Variants in SOX5 observed in about 807,000 individuals in gnomAD.
SOX5 encodes the protein transcription factor SOX-5.
In SOX5, 9 loss-of-function variants were observed where a neutral mutation model predicts 92.0. The observed-to-expected ratio is 0.10, with a 90% CI of 0.06 to 0.17. The LOEUF is 0.17. Ranked by LOEUF, SOX5 falls within the 10% of genes least tolerant of loss-of-function variation. The pLI is 1.00. For synonymous variants in SOX5, 344 were observed against 336.3 expected, an observed-to-expected ratio of 1.02 and a Z score of -0.25; for missense variants, 642 against 944.5, an observed-to-expected ratio of 0.68 and a Z score of 4.20.
chr12:23,760,982 AG>A (rs2094548134), intron 3 of SOX5, among the ~76,000 whole-genome samples: 1 of 152,168 alleles, frequency 6.6e-6, no homozygotes, highest in Non-Finnish European at 1.5e-5. Context: ...ACAAAGTCAC[AG>A]GAGTTAGGTT....
At chr12:24,534,274 G>A (rs1221623827) in intron 1 of SOX5, among the ~76,000 whole-genome samples, 3 of 149,198 alleles carry the variant, frequency 2.0e-5, no homozygotes, top group Non-Finnish European at 3.0e-5. Context: ...TTTTTTTTTC[G>A]GGGAGCTACT....
chr12:23,986,547 T>C (rs1950080919), intron 4 of SOX5, among the ~76,000 whole-genome samples: 1 of 152,198 alleles, frequency 6.6e-6, no homozygotes, highest in Non-Finnish European at 1.5e-5. Context: ...ACAATGTCTT[T>C]CTTTCATCAG....
At chr12:23,755,814 T>C (rs962289392) in intron 3 of SOX5, 90 bp from the exon 4 acceptor site, 10 of 775,572 alleles carry the variant, frequency 1.3e-5, no homozygotes, top group Non-Finnish European at 2.0e-5. Context: ...AATAAGGCCA[T>C]CCCTATCCCA....
chr12:24,348,364 C>CTATT (rs55635240), intron 2 of SOX5, among the ~76,000 whole-genome samples: 39,294 of 142,506 alleles, frequency 0.28, 5,892 homozygotes, highest in South Asian at 0.48. Flanking sequence ...CTATTGACTC[C>CTATT]TATTTATTTA....
chr12:24,514,409 G>T (rs114631610), intron 1 of SOX5, among the ~76,000 whole-genome samples: 1 of 151,984 alleles, frequency 6.6e-6, no homozygotes, highest in Non-Finnish European at 1.5e-5. Context: ...CATTAACACC[G>T]ACCCACTAAT....
At chr12:24,190,270 C>G (rs12813198) in intron 4 of SOX5, among the ~76,000 whole-genome samples, 32,692 of 152,042 alleles carry the variant, frequency 0.22, 4,051 homozygotes, top group African/African-American at 0.34. Flanking sequence ...TGTGTCATTT[C>G]CAAACTCCAG....
rs7315982 is a variant in SOX5, at chr12:23,641,871, A to G, written c.932-974T>C. 5.1e-3 allele frequency among the ~76,000 whole-genome samples: 779 copies of G among 152,344 alleles called. 4 individuals carry two copies. The highest frequency in any genetic ancestry group is 0.018 in the African/African-American group (751 of 41,584). On this transcript the variant is annotated intron_variant, in intron 7 of 14. Coordinates refer to ENST00000451604, the MANE Select transcript of SOX5 (RefSeq NM_006940.6). ...AAAAAATGTGTTGAATATTGCACGC[A>G]TGAAAAATATAACTTAAAATAACTC...
At chr12:23,583,411 T>C (rs957690705) in intron 9 of SOX5, among the ~76,000 whole-genome samples, 14 of 152,078 alleles carry the variant, frequency 9.2e-5, no homozygotes, top group African/African-American at 3.4e-4. Flanking sequence ...TTCTAACTAT[T>C]CTTGAAAAGA....
At chr12:24,519,417 G>T (rs76706553) in intron 1 of SOX5, among the ~76,000 whole-genome samples, 2,044 of 152,076 alleles carry the variant, frequency 0.013, 50 homozygotes, top group African/African-American at 0.046. Flanking sequence ...TTGGGAAGGG[G>T]TGGAAAGAAA....
At chr12:23,696,301 A>C (rs2089848106) in intron 6 of SOX5, among the ~76,000 whole-genome samples, 1 of 152,056 alleles carries the variant, frequency 6.6e-6, no homozygotes. Context: ...GTATTTCTTT[A>C]GTAGTGTAGA....
rs573973564 is a variant in SOX5 at position 24,277,564 on chromosome 12, T to G, written c.-173-252A>C. 1.7e-3 allele frequency among the ~76,000 whole-genome samples: 205 copies of G among 121,266 alleles called. 1 individual carries two copies. Among genetic ancestry groups the G allele is most frequent in the African/African-American group, 5.8e-3 (193 of 33,250 alleles). The allele number at this position is 121,266 out of a possible 152,430, so 79.6% of individuals were successfully genotyped here. On this transcript the variant is annotated intron_variant, in intron 2 of 4. Coordinates refer to the SOX5 transcript ENST00000446891. ...ATGTATATAAATTTATATTTATATATTAAATATATAAATATATATTTAAAT... is the reference window on the plus strand; with the variant it reads ...ATGTATATAAATTTATATTTATATAGTAAATATATAAATATATATTTAAAT...
intron 6 of SOX5, among the ~76,000 whole-genome samples, chr12:23,669,895 G>A (rs983245550): frequency 3.3e-5 from 5 of 152,056 alleles, no homozygotes; most frequent in African/African-American, 1.2e-4. Context: ...ACTCCAGTCC[G>A]AAGCTGAGGG....
chr12:23,777,486 A>T (rs139047915), intron 3 of SOX5, among the ~76,000 whole-genome samples: 262 of 152,324 alleles, frequency 1.7e-3, no homozygotes, highest in South Asian at 3.5e-3. Flanking sequence ...TAATGAATTC[A>T]GACTCTTTTT....
chr12:24,360,015 G>A (rs1955356169), intron 2 of SOX5, among the ~76,000 whole-genome samples: 1 of 152,196 alleles, frequency 6.6e-6, no homozygotes, highest in Admixed American at 6.5e-5. Context: ...GAAAAAGGAT[G>A]GCAGGGACGG....
At chr12:24,339,543 C>G (rs986011482) in intron 2 of SOX5, among the ~76,000 whole-genome samples, 2 of 152,170 alleles carry the variant, frequency 1.3e-5, no homozygotes, top group African/African-American at 4.8e-5. Context: ...TCTCAGTGCA[C>G]TGGGAGCCAT....
At chr12:24,044,998 T>A (rs1194292796) in intron 4 of SOX5, among the ~76,000 whole-genome samples, 1 of 152,198 alleles carries the variant, frequency 6.6e-6, no homozygotes, top group Non-Finnish European at 1.5e-5. Flanking sequence ...TGGATATGCT[T>A]CTGAAACAAA....
chr12:23,708,892 G>C (rs1017829584), intron 6 of SOX5, among the ~76,000 whole-genome samples: 1 of 152,004 alleles, frequency 6.6e-6, no homozygotes, highest in African/African-American at 2.4e-5. Context: ...TACGTGGCTG[G>C]TATTTCAGCG....
intron 8 of SOX5, among the ~76,000 whole-genome samples, chr12:23,619,487 T>C (rs2076938428): frequency 6.6e-6 from 1 of 152,178 alleles, no homozygotes. Flanking sequence ...CAAATCTTTT[T>C]GACTTTTTAC....
chr12:23,909,591 A>G (rs1193324054), intron 1 of SOX5, among the ~76,000 whole-genome samples: 3 of 152,156 alleles, frequency 2.0e-5, no homozygotes, highest in Admixed American at 6.6e-5. Flanking sequence ...TTTACCATTT[A>G]TAGGTACTCA....
Sources: allele counts gnomAD v4.1 joint callset (sites outside exome capture counted in the v4.1 genomes callset), GRCh38; gene constraint gnomAD v4.1.1; transcripts MANE v1.5; gene names NCBI Gene and HGNC (gene_info 2026-07-23, HGNC 2026-07-21).